Variants in EFCAB5 observed in about 807,000 individuals in gnomAD.
EFCAB5 encodes EF-hand calcium binding domain 5, also known as EF-hand calcium-binding domain-containing protein 5.
EFCAB5 carries 131 observed loss-of-function variants against 167.9 expected under a neutral mutation model. The ratio of observed to expected loss-of-function variants is 0.78; its 90% CI spans 0.68 to 0.90. EFCAB5 has a LOEUF of 0.90. EFCAB5 is among the 40% of genes least tolerant of loss of function. The pLI, the probability that EFCAB5 is intolerant of heterozygous loss-of-function variation, is 0.00. For synonymous variants in EFCAB5, 574 were observed against 602.8 expected (o/e 0.95, Z 0.70); for missense variants, 1,663 against 1,745.2 (o/e 0.95, Z 0.84).
intron 7 of EFCAB5, among the ~76,000 whole-genome samples, chr17:30,033,562 C>T (rs1168078248): frequency 6.6e-6 from 1 of 152,198 alleles, no homozygotes; most frequent in Non-Finnish European, 1.5e-5. Context: ...GAAATAATCA[C>T]TCATGCATTA....
intron 3 of EFCAB5, among the ~76,000 whole-genome samples, chr17:29,966,904 T>C (rs2067840741): frequency 6.6e-6 from 1 of 152,180 alleles, no homozygotes; most frequent in Admixed American, 6.5e-5. Flanking sequence ...CTACAAGATA[T>C]TCTTGTATAT....
intron 3 of EFCAB5, among the ~76,000 whole-genome samples, chr17:29,955,375 G>A (rs2067593271): frequency 6.6e-6 from 1 of 152,102 alleles, no homozygotes; most frequent in South Asian, 2.1e-4. Flanking sequence ...TCTCATGATA[G>A]TGAATAAATC....
intron 6 of EFCAB5, 149 bp from the exon 7 acceptor site, chr17:29,999,757 T>C (rs2068622895): frequency 2.1e-6 from 1 of 484,190 alleles, no homozygotes; most frequent in Non-Finnish European, 3.5e-6. Context: ...TTTGGTATGT[T>C]ACCCAACTAT....
chr17:29,954,555 T>C (rs1002617812), intron 3 of EFCAB5, among the ~76,000 whole-genome samples: 1 of 152,172 alleles, frequency 6.6e-6, no homozygotes, highest in Admixed American at 6.5e-5. Flanking sequence ...TTCAAGGATG[T>C]ATGAAACTCC....
At chr17:30,058,952 G>A (rs2070347655) in intron 13 of EFCAB5, 1 of 150,568 alleles carries the variant, frequency 6.6e-6, no homozygotes. Context: ...GGAAAAGAAT[G>A]GTCAAAGATT....
At chr17:30,094,890 C>T (rs1300101685) in intron 22 of EFCAB5, among the ~76,000 whole-genome samples, 2 of 152,098 alleles carry the variant, frequency 1.3e-5, no homozygotes, top group Admixed American at 1.3e-4. Flanking sequence ...GTGAGCACTC[C>T]CAGACAGCTG....
At chr17:29,935,710 GAAAA>G (rs35613362) in intron 1 of EFCAB5, among the ~76,000 whole-genome samples, 1 of 146,168 alleles carries the variant, frequency 6.8e-6, no homozygotes, top group African/African-American at 2.5e-5. Context: ...TTAAGGGCTA[GAAAA>G]AAAAAAACAA....
chr17:30,020,716 C>T (rs2069158142), intron 7 of EFCAB5, among the ~76,000 whole-genome samples: 2 of 152,094 alleles, frequency 1.3e-5, no homozygotes, highest in African/African-American at 4.8e-5. Flanking sequence ...TACTCTGAGA[C>T]CCTATAAAGA....
chr17:29,951,404 C>T (rs2067505917), intron 3 of EFCAB5, among the ~76,000 whole-genome samples: 1 of 152,152 alleles, frequency 6.6e-6, no homozygotes, highest in Admixed American at 6.5e-5. Flanking sequence ...GTGGGGCGAT[C>T]TCCGCTCACT....
intron 22 of EFCAB5, among the ~76,000 whole-genome samples, chr17:30,097,110 G>A (rs577677644): frequency 3.4e-4 from 50 of 148,606 alleles, no homozygotes; most frequent in African/African-American, 1.1e-3. Context: ...AGGCTGAAGT[G>A]CAGTGGCGCG....
chr17:30,056,429 C>T (rs1417955498), intron 12 of EFCAB5, among the ~76,000 whole-genome samples: 3 of 152,138 alleles, frequency 2.0e-5, no homozygotes, highest in Non-Finnish European at 4.4e-5. Flanking sequence ...TGATATGGCC[C>T]TACCACTGCT....
At chr17:30,029,977 T>G (rs748052018) in intron 7 of EFCAB5, among the ~76,000 whole-genome samples, 6 of 152,188 alleles carry the variant, frequency 3.9e-5, no homozygotes, top group Non-Finnish European at 7.3e-5. Context: ...AGAGATAACT[T>G]GACTAAGTAC....
At chr17:29,994,916 A>AT (rs2068512384) in intron 5 of EFCAB5, among the ~76,000 whole-genome samples, 1 of 152,190 alleles carries the variant, frequency 6.6e-6, no homozygotes, top group Non-Finnish European at 1.5e-5. Flanking sequence ...TCAATGCAGT[A>AT]TTTTTTGCAT....
chr17:29,976,306 T>A (rs1468993784), intron 4 of EFCAB5, among the ~76,000 whole-genome samples: 1 of 152,156 alleles, frequency 6.6e-6, no homozygotes, highest in African/African-American at 2.4e-5. Context: ...GGAGTTTGAC[T>A]TCTTAGGGTC....
intron 1 of EFCAB5, 99 bp downstream of exon 1, chr17:29,941,937 A>T: frequency 7.9e-7 from 1 of 1,258,458 alleles, no homozygotes; most frequent in Non-Finnish European, 1.1e-6. Flanking sequence ...TCATTTAATT[A>T]TTTCTCTTTT....
rs760064584 is a variant in EFCAB5, at chr17:29,929,926, G to A, written c.-127+597G>A. ...ACAGAAGCAAGCGGAGCGGCCGCCA[G>A]GAAGGACTCACCGAGGCGCAGGGGC... On this transcript the variant is annotated intron_variant, in intron 1 of 3. Transcript: ENST00000448319. The A allele has an allele frequency of 5.0e-6, 8 of 1,591,728 alleles. No homozygotes were observed. The East Asian group carries it at 1.4e-4, about 27-fold the overall frequency.
intron 4 of EFCAB5, among the ~76,000 whole-genome samples, chr17:29,977,009 G>A (rs546832392): frequency 6.6e-6 from 1 of 152,092 alleles, no homozygotes; most frequent in Non-Finnish European, 1.5e-5. Context: ...CATAGATATA[G>A]AATTAAAGTG....
Position 29,930,167 on chromosome 17 carries a change from T to A in EFCAB5, c.-127+838T>A, listed in dbSNP as rs1293391225. On this transcript the variant is annotated intron_variant, in intron 1 of 3. Coordinates refer to the EFCAB5 transcript ENST00000448319. ...GCAGACTCCGCACCCACCACCAGAC[T>A]GTCGCCGACTGACGCTCCGAACGGG... 44 of 613,148 alleles carry A rather than the reference T, an allele frequency of 7.2e-5. No individual in the cohort carries two copies. The East Asian group carries it at 1.3e-3, about 18-fold the overall frequency. The allele number at this position is 613,148 out of a possible 1,614,324, so 38.0% of individuals were successfully genotyped here. A position where few individuals can be genotyped will look rare whatever the true frequency, so the allele number is the denominator to read the frequency against.
intron 18 of EFCAB5, 29 bp from the exon 19 acceptor site, chr17:30,087,034 T>A: frequency 6.2e-7 from 1 of 1,600,872 alleles, no homozygotes; most frequent in Non-Finnish European, 8.6e-7. Context: ...GTCTAATTAC[T>A]CCTAATGAAA....
Sources: gnomAD v4.1 joint callset for allele counts (sites outside exome capture counted in the v4.1 genomes callset) on GRCh38, gnomAD v4.1.1 for gene constraint, MANE v1.5 for transcripts, NCBI Gene and HGNC (gene_info 2026-07-23, HGNC 2026-07-21) for gene names.